The following RBM4 variants were observed in gnomAD, a reference collection of about 807,000 sequenced individuals.
RBM4 encodes RNA binding motif protein 4, also known as RNA-binding protein 4.
In RBM4, 7 loss-of-function variants were observed where a neutral mutation model predicts 29.5. The observed-to-expected ratio is 0.24, with a 90% CI of 0.14 to 0.45. RBM4 has a LOEUF of 0.45. Ranked by LOEUF, RBM4 falls within the 20% of genes least tolerant of loss-of-function variation. The probability of loss-of-function intolerance (pLI) is 1.00; values close to 1 mark genes in which losing one functional copy is unlikely to be tolerated. For synonymous variants in RBM4, 220 were observed against 205.4 expected, an observed-to-expected ratio of 1.07 and a Z score of -0.61; for missense variants, 387 against 502.3, an observed-to-expected ratio of 0.77 and a Z score of 2.19.
chr11:66,648,842 A>AT (rs1224641357), downstream of RBM4, among the ~76,000 whole-genome samples: 3 of 150,534 alleles, frequency 2.0e-5, no homozygotes, highest in African/African-American at 7.3e-5. Flanking sequence ...TAATTTCTTG[A>AT]TTCTATTAGA....
At chr11:66,644,291 T>A in intron 3 of RBM4, 151 bp downstream of exon 3, 2 of 1,107,698 alleles carry the variant, frequency 1.8e-6, no homozygotes, top group Non-Finnish European at 1.3e-6. Flanking sequence ...AAGTCCTAAC[T>A]GCTTAACTTT....
chr11:66,662,866 CAG>C lies in RBM4; in HGVS notation c.413-2986_413-2985del, dbSNP rs1460408505. Reference sequence around the variant, plus strand: ...TTGCCTTATTTTCCCTTTTGTAAAACAGAGACAGTCTTGCTTCCTTGGGGAAT... The same window carrying C: ...TTGCCTTATTTTCCCTTTTGTAAAACAGACAGTCTTGCTTCCTTGGGGAAT... On this transcript the variant is annotated intron_variant, in intron 2 of 2. Coordinates refer to the RBM4 transcript ENST00000396053. 7.2e-5 allele frequency among the ~76,000 whole-genome samples: 11 copies of C among 152,102 alleles called. No individual in the cohort carries two copies. In the South Asian group the frequency reaches 1.2e-3, roughly 17 times the overall value.
exon 3 of RBM4, chr11:66,667,713 TAAA>T (rs762628258): frequency 1.9e-4 from 28 of 146,362 alleles, no homozygotes; most frequent in Middle Eastern, 3.2e-3. Context: ...TTTTTTTTTT[TAAA>T]TAAAGGAGAG....
At position 66,643,682 on chromosome 11, in the gene RBM4, C is replaced by T. The variant is rs761255316; in HGVS notation, c.645C>T (p.Tyr215=). 18 of 1,614,044 alleles carry T rather than the reference C, an allele frequency of 1.1e-5. No homozygotes were observed. The highest frequency in any genetic ancestry group is 1.6e-4 in the Middle Eastern group (1 of 6,084). ...YGDSLYYNNA[Y]GALDAYYKRC... ...ATTCATTGTATTACAACAACGCGTA[C>T]GGAGCGCTCGATGCCTACTACAAGC... The change falls in exon 3 of 4, where the codon TAC becomes TAT. Residue 215 remains tyrosine, a synonymous_variant. Transcript: ENST00000310092. This position sits in a 1 kb window ranked among gnomAD's most constrained non-coding sequence, Gnocchi z 6.1.
chr11:66,654,084 T>C (rs1433041370), intron 2 of RBM4, among the ~76,000 whole-genome samples: 1 of 152,112 alleles, frequency 6.6e-6, no homozygotes, highest in Non-Finnish European at 1.5e-5. Context: ...TAGAGTGCCA[T>C]GGTGTTATCT....
chr11:66,645,964 G>A (rs1590866371), intron 3 of RBM4, 63 bp from the exon 4 acceptor site: 2 of 1,535,738 alleles, frequency 1.3e-6, no homozygotes, highest in Non-Finnish European at 1.7e-6. Flanking sequence ...AGATGTTGAA[G>A]TTTTAAATGG....
chr11:66,652,080 A>G (rs1938844014), intron 2 of RBM4, among the ~76,000 whole-genome samples: 1 of 152,072 alleles, frequency 6.6e-6, no homozygotes, highest in South Asian at 2.1e-4. Context: ...TGGGTGGGTA[A>G]TACGTATAAG....
At chr11:66,666,231 T>A in exon 3 of RBM4, 2 of 939,830 alleles carry the variant, frequency 2.1e-6, no homozygotes, top group South Asian at 5.6e-5. Flanking sequence ...TGATGGGAAC[T>A]CCAGACACCA....
intron 2 of RBM4, chr11:66,641,275 C>T (rs1938450902): frequency 1.3e-5 from 2 of 152,170 alleles, no homozygotes; most frequent in Admixed American, 1.3e-4. Flanking sequence ...TGGGTACTAC[C>T]TTTGTTAAGA....
At chr11:66,648,955 T>C (rs532484681), downstream of RBM4, among the ~76,000 whole-genome samples, 10 of 151,096 alleles carry the variant, frequency 6.6e-5, 1 homozygote, top group South Asian at 2.1e-3. Flanking sequence ...TTTAATGCTA[T>C]ATTCATACTA....
intron 2 of RBM4, among the ~76,000 whole-genome samples, chr11:66,663,702 A>ATGTG (rs66797662): frequency 0.051 from 7,539 of 148,438 alleles, 410 homozygotes; most frequent in East Asian, 0.17. Context: ...GTGTGTGTAT[A>ATGTG]TGTGTGTGTG....
downstream of RBM4, among the ~76,000 whole-genome samples, chr11:66,650,307 C>T (rs1424567102): frequency 1.3e-5 from 2 of 152,136 alleles, no homozygotes; most frequent in Admixed American, 6.5e-5. Flanking sequence ...GGTGGCTCAA[C>T]GCCTGTAATC....
In RBM4 at chr11:66,643,980, A is replaced by G. The variant is rs1938579880; in HGVS notation, c.943A>G (p.Thr315Ala). The change falls in exon 3 of 4, where the codon ACA (threonine) becomes GCA (alanine). Residue 315 changes from threonine (T) to alanine (A), a missense_variant. Around this residue, in one of 2 missense-constraint regions of RBM4, gnomAD observed 281 missense variants for 288.7 expected, o/e 0.97. Transcript: ENST00000310092. This position sits in a 1 kb window ranked among gnomAD's most constrained non-coding sequence, Gnocchi z 6.1. Reference sequence around the variant, plus strand: ...GGATCGGAGCCCCCTGCGTCGCGCTACAGCCCCAGTCCCCACTGTTGGAGA... The same window carrying G: ...GGATCGGAGCCCCCTGCGTCGCGCTGCAGCCCCAGTCCCCACTGTTGGAGA... ...GRDRSPLRRA[T>A]APVPTVGEGY... 2.5e-6 allele frequency: 4 copies of G among 1,613,286 alleles called. No individual in the cohort carries two copies. The highest frequency in any genetic ancestry group is 3.4e-6 in the Non-Finnish European group (4 of 1,180,016).
intron 2 of RBM4, 171 bp downstream of exon 2, chr11:66,640,294 C>A (rs188944947): frequency 1.7e-4 from 148 of 877,776 alleles, no homozygotes; most frequent in Middle Eastern, 7.5e-4. Context: ...GACTTAGGGG[C>A]TTTACCTTAG....
chr11:66,640,578 A>G (rs1004551749), intron 2 of RBM4: 7 of 248,554 alleles, frequency 2.8e-5, no homozygotes, highest in African/African-American at 4.5e-5. Flanking sequence ...AAGCTGTCCT[A>G]CCTTACACAA....
chr11:66,652,737 G>A (rs946349642), intron 2 of RBM4, among the ~76,000 whole-genome samples: 2 of 152,112 alleles, frequency 1.3e-5, no homozygotes, highest in Non-Finnish European at 2.9e-5. Context: ...CGGGCGTGGT[G>A]GCGCATGTCG....
downstream of RBM4, among the ~76,000 whole-genome samples, chr11:66,648,275 CTT>C (rs142743385): frequency 0.042 from 6,339 of 152,098 alleles, 411 homozygotes; most frequent in East Asian, 0.14. Context: ...AATCCCAGCA[CTT>C]TTGGAGGCTG....
intron 2 of RBM4, among the ~76,000 whole-genome samples, chr11:66,657,553 C>A (rs12804239): frequency 2.0e-5 from 3 of 151,782 alleles, no homozygotes; most frequent in African/African-American, 7.2e-5. Context: ...TGTCGTGGTG[C>A]GCACCTGTAG....
chr11:66,657,702 A>G (rs976229088), intron 2 of RBM4, among the ~76,000 whole-genome samples: 26 of 151,024 alleles, frequency 1.7e-4, no homozygotes, highest in African/African-American at 5.6e-4. Context: ...AAAAAAAAAA[A>G]AAAAAATTAT....
Sources: allele counts gnomAD v4.1 joint callset (sites outside exome capture counted in the v4.1 genomes callset), GRCh38; gene constraint gnomAD v4.1.1; regional missense constraint gnomAD v4.1.1; non-coding constraint Gnocchi (gnomAD v3.1); transcripts MANE v1.5; gene names NCBI Gene and HGNC (gene_info 2026-07-23, HGNC 2026-07-21).